ZNF595: variants seen among roughly 807,000 people sequenced by gnomAD.
ZNF595 encodes the protein zinc finger protein 595.
ZNF595 carries 9 observed loss-of-function variants against 19.4 expected under a neutral mutation model. The observed-to-expected ratio is 0.46, with a 90% CI of 0.28 to 0.81. The LOEUF (loss-of-function observed/expected upper bound fraction) is 0.81. Among genes scored for constraint, ZNF595 ranks in the 30% least tolerant of loss-of-function variants. The probability of loss-of-function intolerance (pLI) is 0.11; values close to 1 mark genes in which losing one functional copy is unlikely to be tolerated. For missense variants in ZNF595, 729 were observed against 736.0 expected (o/e 0.99, Z 0.11); for synonymous variants, 255 against 255.9 (o/e 1.00, Z 0.03).
intron 3 of ZNF595, among the ~76,000 whole-genome samples, chr4:82,487 C>T (rs1411185810): frequency 6.8e-6 from 1 of 146,568 alleles, no homozygotes; most frequent in Non-Finnish European, 1.5e-5. Context: ...CAGGTTCAAG[C>T]GATTCTCCTG....
intron 3 of ZNF595, among the ~76,000 whole-genome samples, chr4:80,901 T>C (rs1553799773): frequency 6.6e-6 from 1 of 152,122 alleles, no homozygotes; most frequent in Non-Finnish European, 1.5e-5. Flanking sequence ...GCCATGGTGG[T>C]TTGCTGCACC....
At chr4:80,993 C>G (rs1292867559) in intron 3 of ZNF595, among the ~76,000 whole-genome samples, 1 of 152,126 alleles carries the variant, frequency 6.6e-6, no homozygotes, top group South Asian at 2.1e-4. Flanking sequence ...CCCCCCACCC[C>G]CTCTGACAGG....
Position 86,601 on chromosome 4 carries a change from A to G in ZNF595, c.1097A>G (p.Lys366Arg). Residue 366 changes from lysine to arginine, a missense_variant, in exon 4 of 4, where the codon AAA (lysine) becomes AGA (arginine). Lys to Arg is a conservative substitution (Grantham distance 26, BLOSUM62 2). This residue lies in a region of ZNF595 where 729 missense variants were observed against 675.3 expected (regional missense o/e 1.08). Transcript: ENST00000610261. ...IIHRSIHSEQ[K>R]LYKCEECGKA... is the part of the protein sequence containing the mutation. Reference sequence around the variant, plus strand: ...CACAGGAGCATTCATTCTGAACAAAAACTTTACAAATGTGAAGAATGTGGC... The same window carrying G: ...CACAGGAGCATTCATTCTGAACAAAGACTTTACAAATGTGAAGAATGTGGC... 1 of 1,613,462 alleles carries G rather than the reference A, an allele frequency of 6.2e-7. No individual in the cohort carries two copies. The highest frequency in any genetic ancestry group is 8.5e-7 in the Non-Finnish European group (1 of 1,179,748).
At chr4:78,000 TTTTG>T (rs541070508) in intron 3 of ZNF595, among the ~76,000 whole-genome samples, 5 of 152,038 alleles carry the variant, frequency 3.3e-5, no homozygotes, top group South Asian at 4.2e-4. Flanking sequence ...CTTCAGGGTT[TTTTG>T]TTTGTTTGTT....
intron 3 of ZNF595, among the ~76,000 whole-genome samples, chr4:78,586 A>T (rs1351462244): frequency 1.3e-5 from 2 of 152,172 alleles, no homozygotes; most frequent in African/African-American, 4.8e-5. Context: ...ATTGCCACCT[A>T]TTCGATTATA....
chr4:85,304 G>A (rs1714085498), intron 3 of ZNF595, among the ~76,000 whole-genome samples: 1 of 152,188 alleles, frequency 6.6e-6, no homozygotes, highest in Admixed American at 6.5e-5. Context: ...AGCTCTCTGT[G>A]TTGTTGGAGA....
intron 3 of ZNF595, among the ~76,000 whole-genome samples, chr4:71,671 C>T (rs1343059538): frequency 1.3e-5 from 2 of 152,140 alleles, no homozygotes; most frequent in Non-Finnish European, 2.9e-5. Flanking sequence ...GATGCTAAAG[C>T]ACTCTTCTTG....
At chr4:80,545 C>A (rs532397325) in intron 3 of ZNF595, among the ~76,000 whole-genome samples, 2 of 152,136 alleles carry the variant, frequency 1.3e-5, no homozygotes, top group East Asian at 1.9e-4. Context: ...TGGGTGCAGA[C>A]GAGCTGAGTC....
chr4:54,262 TG>T (rs1712511742), intron 1 of ZNF595, among the ~76,000 whole-genome samples: 4 of 125,244 alleles, frequency 3.2e-5, no homozygotes, highest in African/African-American at 1.1e-4. Flanking sequence ...GCGCTGACTC[TG>T]GGTGGTGTCG....
chr4:55,510 T>C (rs1210371830), intron 1 of ZNF595, among the ~76,000 whole-genome samples: 1 of 152,294 alleles, frequency 6.6e-6, no homozygotes, highest in East Asian at 1.9e-4. Context: ...ATCAGTTAAA[T>C]AGGTCATTTG....
rs782089413 is a variant in ZNF595, at chr4:86,673, A to G, written c.1169A>G (p.His390Arg). 6.2e-7 allele frequency: 1 copy of G among 1,613,748 alleles called. No homozygotes were observed. Among genetic ancestry groups the G allele is most frequent in the Admixed American group, 1.7e-5 (1 of 59,982 alleles). ...SSSLNKHKRI[H>R]TGEKPYTCEE... ...TCCCTTAATAAACATAAGAGAATTCATACTGGAGAGAAACCCTACACATGT... is the reference window on the plus strand; with the variant it reads ...TCCCTTAATAAACATAAGAGAATTCGTACTGGAGAGAAACCCTACACATGT... Residue 390 changes from histidine to arginine, a missense_variant, in exon 4 of 4, where the codon CAT (histidine) becomes CGT (arginine). Physicochemically the swap from His to Arg is conservative, Grantham distance 29. This residue lies in a region of ZNF595 where 729 missense variants were observed against 675.3 expected (regional missense o/e 1.08). Transcript: ENST00000610261.
At chr4:80,480 G>A (rs540471476) in intron 3 of ZNF595, among the ~76,000 whole-genome samples, 10 of 152,214 alleles carry the variant, frequency 6.6e-5, no homozygotes, top group South Asian at 2.1e-4. Context: ...ATGCGCATCC[G>A]TGTGAAAAGA....
intron 3 of ZNF595, among the ~76,000 whole-genome samples, chr4:61,628 CACACAT>C (rs1581323818): frequency 2.6e-5 from 4 of 152,264 alleles, no homozygotes; most frequent in African/African-American, 9.7e-5. Context: ...GTGTGTCACA[CACACAT>C]ACACATACCT....
At chr4:80,910 C>T (rs183232533) in intron 3 of ZNF595, among the ~76,000 whole-genome samples, 255 of 152,176 alleles carry the variant, frequency 1.7e-3, no homozygotes, top group African/African-American at 5.6e-3. Context: ...GTTTGCTGCA[C>T]CTATCAACCC....
intron 3 of ZNF595, among the ~76,000 whole-genome samples, chr4:75,169 A>T (rs1713597260): frequency 6.6e-6 from 1 of 152,188 alleles, no homozygotes; most frequent in African/African-American, 2.4e-5. Flanking sequence ...TCTTGTGTGC[A>T]GCATATGGTT....
chr4:86,617 A>G lies in ZNF595; in HGVS notation c.1113A>G (p.Glu371=), dbSNP rs782542020. 2 of 1,613,586 alleles carry G rather than the reference A, an allele frequency of 1.2e-6. No individual in the cohort carries two copies. The highest frequency in any genetic ancestry group is 1.7e-6 in the Non-Finnish European group (2 of 1,179,770). The part of the protein sequence containing the change: ...IHSEQKLYKC[E]ECGKAFTWSS... ...CTGAACAAAAACTTTACAAATGTGA[A>G]GAATGTGGCAAAGCCTTTACTTGGT... Residue 371 remains glutamate, a synonymous_variant, in exon 4 of 4, where the codon GAA becomes GAG. Transcript: ENST00000610261.
chr4:86,510 G>C lies in ZNF595; in HGVS notation c.1006G>C (p.Gly336Arg), dbSNP rs1553801594. The C allele has an allele frequency of 6.2e-6, 10 of 1,613,814 alleles. No individual in the cohort carries two copies. The highest frequency in any genetic ancestry group is 7.6e-6 in the Non-Finnish European group (9 of 1,179,942). Residue 336 changes from glycine to arginine, a missense_variant, in exon 4 of 4, where the codon GGC becomes CGC. By Grantham distance (125) the Gly-to-Arg change is moderately radical. Coordinates refer to ENST00000610261, the MANE Select transcript of ZNF595 (RefSeq NM_182524.4). ...GAATGAACATAAAAATATTCATACT[G>C]GCGAAAAACCCTACACATGTGAAAA... is the stretch of plus-strand genomic sequence containing the variant. Reference protein sequence around the residue: ...SLNEHKNIHTGEKPYTCEKCG... With the variant: ...SLNEHKNIHTREKPYTCEKCG...
chr4:85,131 GT>G (rs1340491911), intron 3 of ZNF595, among the ~76,000 whole-genome samples: 4 of 152,252 alleles, frequency 2.6e-5, no homozygotes, highest in Non-Finnish European at 4.4e-5. Flanking sequence ...GGAATTTTGT[GT>G]TTGTTTTTCA....
At chr4:75,542 C>A (rs1376502086) in intron 3 of ZNF595, among the ~76,000 whole-genome samples, 1 of 152,206 alleles carries the variant, frequency 6.6e-6, no homozygotes, top group Non-Finnish European at 1.5e-5. Context: ...TAAATTTTAA[C>A]ATGAATTTTG....
Sources: allele counts gnomAD v4.1 joint callset (sites outside exome capture counted in the v4.1 genomes callset), GRCh38; gene constraint gnomAD v4.1.1; regional missense constraint gnomAD v4.1.1; transcripts MANE v1.5; gene names NCBI Gene and HGNC (gene_info 2026-07-23, HGNC 2026-07-21).